SETBP1: variants seen among roughly 807,000 people sequenced by gnomAD.
SETBP1 encodes the protein SET-binding protein.
In SETBP1, 9 loss-of-function variants were observed where a neutral mutation model predicts 101.0. That is an observed-to-expected ratio of 0.09 (90% CI 0.05 to 0.16). The LOEUF is 0.16. Ranked by LOEUF, SETBP1 falls within the 10% of genes least tolerant of loss-of-function variation. The probability of loss-of-function intolerance (pLI) is 1.00; values close to 1 mark genes in which losing one functional copy is unlikely to be tolerated. For synonymous variants in SETBP1, 818 were observed against 788.5 expected, an observed-to-expected ratio of 1.04 and a Z score of -0.63; for missense variants, 1,858 against 2,033.8, an observed-to-expected ratio of 0.91 and a Z score of 1.66.
At chr18:44,686,921 T>C (rs897661991) in intron 1 of SETBP1, among the ~76,000 whole-genome samples, 2 of 152,342 alleles carry the variant, frequency 1.3e-5, no homozygotes, top group Middle Eastern at 3.4e-3. Context: ...ATAATAATAG[T>C]GCCTACTGGA....
chr18:44,955,443 C>T (rs555356485), intron 4 of SETBP1, among the ~76,000 whole-genome samples: 87 of 152,322 alleles, frequency 5.7e-4, no homozygotes, highest in Non-Finnish European at 1.0e-3. Flanking sequence ...GATTCCACTT[C>T]TTTGGGGTAC....
intron 2 of SETBP1, among the ~76,000 whole-genome samples, chr18:44,810,305 A>G (rs1461390494): frequency 1.3e-5 from 2 of 152,212 alleles, no homozygotes; most frequent in East Asian, 3.9e-4. Context: ...CACCCATCTA[A>G]CATTGGGAAA....
At chr18:45,017,233 C>T (rs1223080574) in intron 4 of SETBP1, among the ~76,000 whole-genome samples, 7 of 152,082 alleles carry the variant, frequency 4.6e-5, no homozygotes, top group Non-Finnish European at 8.8e-5. Context: ...GGTCTGGGCA[C>T]GACACACTTT....
chr18:44,798,170 G>T (rs1382083453), intron 2 of SETBP1, among the ~76,000 whole-genome samples: 1 of 152,144 alleles, frequency 6.6e-6, no homozygotes, highest in African/African-American at 2.4e-5. Context: ...AAGAATCCTT[G>T]GGTGCAGGGA....
At chr18:44,821,916 C>G (rs913746896) in intron 2 of SETBP1, among the ~76,000 whole-genome samples, 2 of 152,232 alleles carry the variant, frequency 1.3e-5, no homozygotes, top group Non-Finnish European at 2.9e-5. Flanking sequence ...TACCCCACAT[C>G]TGTGACAGCA....
At chr18:45,056,767 T>C (rs565241328) in intron 5 of SETBP1, among the ~76,000 whole-genome samples, 3 of 152,278 alleles carry the variant, frequency 2.0e-5, no homozygotes, top group Admixed American at 2.0e-4. Context: ...CTCACACACA[T>C]AAACATGCTC....
At chr18:44,980,798 A>G (rs1273413529) in intron 4 of SETBP1, among the ~76,000 whole-genome samples, 2 of 152,154 alleles carry the variant, frequency 1.3e-5, no homozygotes, top group Non-Finnish European at 2.9e-5. Context: ...GTAGCAGGGT[A>G]AGAGGTTGCA....
At chr18:44,974,587 A>T (rs954143459) in intron 4 of SETBP1, among the ~76,000 whole-genome samples, 1 of 152,166 alleles carries the variant, frequency 6.6e-6, no homozygotes, top group African/African-American at 2.4e-5. Context: ...TCCCCAAATG[A>T]CTGATGTGGA....
intron 3 of SETBP1, among the ~76,000 whole-genome samples, chr18:44,946,656 T>G (rs2071214673): frequency 6.6e-6 from 1 of 152,226 alleles, no homozygotes; most frequent in African/African-American, 2.4e-5. Flanking sequence ...CAGCTGTATA[T>G]TTTGCCATGG....
intron 3 of SETBP1, among the ~76,000 whole-genome samples, chr18:44,904,156 G>A (rs536210139): frequency 2.6e-4 from 40 of 152,258 alleles, no homozygotes; most frequent in African/African-American, 9.6e-4. Context: ...TTGGAGATGA[G>A]GCTTAGTGTG....
chr18:45,050,036 A>G (rs760081647), intron 5 of SETBP1, among the ~76,000 whole-genome samples: 1 of 152,248 alleles, frequency 6.6e-6, no homozygotes, highest in Admixed American at 6.5e-5. Context: ...GTGTGCTCTT[A>G]GGAAAAAAAT....
intron 2 of SETBP1, among the ~76,000 whole-genome samples, chr18:44,768,738 TC>T (rs1245437487): frequency 6.6e-6 from 1 of 152,208 alleles, no homozygotes; most frequent in African/African-American, 2.4e-5. Context: ...GTTGCAAACC[TC>T]ATAAAGTATA....
intron 2 of SETBP1, among the ~76,000 whole-genome samples, chr18:44,744,777 A>AC (rs1555675759): frequency 1.2e-4 from 15 of 128,320 alleles, no homozygotes; most frequent in Non-Finnish European, 2.0e-4. Flanking sequence ...CTTAAAAAAA[A>AC]AAAAACAAAA....
chr18:45,043,340 T>C (rs1004063839), intron 5 of SETBP1, among the ~76,000 whole-genome samples: 3 of 145,912 alleles, frequency 2.1e-5, no homozygotes, highest in African/African-American at 7.8e-5. Context: ...GGAAGACAAG[T>C]ATATCCTTTC....
At chr18:45,040,278 A>C (rs745723751) in intron 5 of SETBP1, among the ~76,000 whole-genome samples, 1 of 152,152 alleles carries the variant, frequency 6.6e-6, no homozygotes, top group Non-Finnish European at 1.5e-5. Context: ...AAGGAGGGAA[A>C]GTCACACAGA....
At chr18:44,899,159 T>C (rs1383495356) in intron 3 of SETBP1, among the ~76,000 whole-genome samples, 1 of 152,368 alleles carries the variant, frequency 6.6e-6, no homozygotes, top group Admixed American at 6.5e-5. Flanking sequence ...TGTCTTTCTA[T>C]GCTTTTGCCT....
intron 3 of SETBP1, chr18:44,876,658 T>G (rs528192189): frequency 3.2e-6 from 5 of 1,551,380 alleles, no homozygotes; most frequent in Non-Finnish European, 4.4e-6. Context: ...ACGTGCCATG[T>G]GCTTCTCATG....
At chr18:44,751,621 T>C (rs1382120461) in intron 2 of SETBP1, among the ~76,000 whole-genome samples, 1 of 152,244 alleles carries the variant, frequency 6.6e-6, no homozygotes, top group East Asian at 1.9e-4. Flanking sequence ...TTCTCTCTTT[T>C]GTTATAATGC....
rs2069118865 is a variant in SETBP1, at chr18:44,701,727, T to A, written c.381T>A (p.Pro127=). 3 of 1,614,030 alleles carry A rather than the reference T, an allele frequency of 1.9e-6. No homozygotes were observed. The highest frequency in any genetic ancestry group is 2.5e-6 in the Non-Finnish European group (3 of 1,180,048). ...ATTTGGAGAACTATATATGTCCACC[T>A]GAGATCAAGATCACCATCAAGCAGT... is the stretch of plus-strand genomic sequence containing the variant. ...PKNLENYICP[P]EIKITIKQSG... The change falls in exon 2 of 6, where the codon CCT becomes CCA. Residue 127 remains proline (P), a synonymous_variant. Transcript: ENST00000649279.
Sources: allele counts gnomAD v4.1 joint callset (sites outside exome capture counted in the v4.1 genomes callset), GRCh38; gene constraint gnomAD v4.1.1; transcripts MANE v1.5; gene names NCBI Gene and HGNC (gene_info 2026-07-23, HGNC 2026-07-21).